The following PINX1 variants were observed in gnomAD, a reference collection of about 807,000 sequenced individuals.
PINX1 encodes PIN2 (TERF1) interacting telomerase inhibitor 1.
A neutral mutation model predicts 25.4 loss-of-function variants in PINX1; 34 were observed. That is an observed-to-expected ratio of 1.34 (90% CI 1.02 to 1.78). The LOEUF (loss-of-function observed/expected upper bound fraction) is 1.78. Among genes scored for constraint, PINX1 ranks in the 40% most tolerant of loss-of-function variants. The probability of loss-of-function intolerance (pLI) is 0.00; values close to 1 mark genes in which losing one functional copy is unlikely to be tolerated. For synonymous variants in PINX1, 197 were observed against 147.7 expected (o/e 1.33, Z -2.42); for missense variants, 592 against 404.9 (o/e 1.46, Z -3.97).
At chr8:10,838,128 G>A (rs961179289) in intron 1 of PINX1, among the ~76,000 whole-genome samples, 5 of 152,174 alleles carry the variant, frequency 3.3e-5, no homozygotes, top group Non-Finnish European at 7.3e-5. Flanking sequence ...TAGCAGGTTG[G>A]AGTTCTTAGA....
At chr8:10,809,092 T>C (rs1452374098) in intron 6 of PINX1, among the ~76,000 whole-genome samples, 3 of 152,228 alleles carry the variant, frequency 2.0e-5, no homozygotes, top group Admixed American at 6.5e-5. Context: ...TTGTGAGGTA[T>C]GATGGTTTAT....
Position 10,818,563 on chromosome 8 carries a change from G to C in PINX1, c.471+1630C>G, listed in dbSNP as rs992537791. 2.0e-5 allele frequency among the ~76,000 whole-genome samples: 3 copies of C among 152,188 alleles called. No homozygotes were observed. The East Asian group carries it at 5.8e-4, about 29-fold the overall frequency. On this transcript the variant is annotated intron_variant, in intron 6 of 6. Coordinates refer to ENST00000314787, the MANE Select transcript of PINX1 (RefSeq NM_017884.6). ...CTGTTCAACTGTACATTTTCATAGA[G>C]GGTGTCCGGGAGGGCAAAGGCTGGG...
chr8:10,837,161 C>T (rs10099929), intron 1 of PINX1, among the ~76,000 whole-genome samples: 46,388 of 152,032 alleles, frequency 0.31, 7,764 homozygotes, highest in African/African-American at 0.45. Context: ...ATGCTGAGCA[C>T]CTGCTTTCCT....
chr8:10,779,502 C>G (rs893201161), intron 6 of PINX1, among the ~76,000 whole-genome samples: 1 of 152,074 alleles, frequency 6.6e-6, no homozygotes, highest in African/African-American at 2.4e-5. Context: ...TACATAAAGA[C>G]AAAAAGAACT....
At chr8:10,819,715 C>T (rs1034018727) in intron 6 of PINX1, among the ~76,000 whole-genome samples, 2 of 152,190 alleles carry the variant, frequency 1.3e-5, no homozygotes, top group East Asian at 1.9e-4. Context: ...ACCCATCAAA[C>T]CCCCTTATAG....
chr8:10,767,806 CAG>C (rs1801105022), intron 6 of PINX1, among the ~76,000 whole-genome samples: 2 of 74,942 alleles, frequency 2.7e-5, no homozygotes, highest in South Asian at 5.3e-4. Context: ...CACAGCCACA[CAG>C]AGACAGGCTC....
intron 5 of PINX1, chr8:10,825,303 T>C: frequency 1.9e-6 from 1 of 533,902 alleles, no homozygotes; most frequent in Non-Finnish European, 3.9e-6. Context: ...AGAGATGTGC[T>C]GTTCCTGGCA....
intron 6 of PINX1, among the ~76,000 whole-genome samples, chr8:10,811,837 C>T (rs1797531917): frequency 6.6e-6 from 1 of 152,166 alleles, no homozygotes; most frequent in South Asian, 2.1e-4. Context: ...ACCTGGAACC[C>T]TACTGCTAGA....
At chr8:10,810,891 G>A (rs1249261432) in intron 6 of PINX1, among the ~76,000 whole-genome samples, 1 of 152,182 alleles carries the variant, frequency 6.6e-6, no homozygotes, top group Non-Finnish European at 1.5e-5. Flanking sequence ...TGAGAAGGAC[G>A]TGCTTCTCAG....
chr8:10,788,180 T>C (rs986840560), intron 6 of PINX1, among the ~76,000 whole-genome samples: 1 of 152,204 alleles, frequency 6.6e-6, no homozygotes, highest in Non-Finnish European at 1.5e-5. Context: ...TGATCATTGT[T>C]AAGCTGGGTA....
At chr8:10,826,340 C>G (rs1444220782) in intron 4 of PINX1, 96 bp from the exon 5 acceptor site, 5 of 624,122 alleles carry the variant, frequency 8.0e-6, no homozygotes, top group Non-Finnish European at 1.4e-5. Flanking sequence ...ATTTTAGGAG[C>G]CCTATCATTA....
intron 6 of PINX1, among the ~76,000 whole-genome samples, chr8:10,808,354 G>C (rs1293111891): frequency 6.6e-6 from 1 of 152,208 alleles, no homozygotes; most frequent in East Asian, 1.9e-4. Flanking sequence ...GAGGAGGCTT[G>C]TGAGGTGGAG....
intron 6 of PINX1, among the ~76,000 whole-genome samples, chr8:10,795,088 C>T (rs892995928): frequency 6.6e-6 from 1 of 152,132 alleles, no homozygotes; most frequent in Non-Finnish European, 1.5e-5. Context: ...AAGACAAAAT[C>T]CAAAAGCTTC....
intron 6 of PINX1, among the ~76,000 whole-genome samples, chr8:10,771,618 G>A (rs1479489621): frequency 6.6e-6 from 1 of 152,132 alleles, no homozygotes; most frequent in African/African-American, 2.4e-5. Context: ...CTCAACAAAG[G>A]CACAAAGACA....
intron 6 of PINX1, among the ~76,000 whole-genome samples, chr8:10,797,952 T>C (rs1344618445): frequency 7.9e-5 from 12 of 152,202 alleles, no homozygotes. Context: ...AATGATGAGC[T>C]AAACAGTCCT....
At chr8:10,817,691 C>A (rs890764934) in intron 6 of PINX1, among the ~76,000 whole-genome samples, 1 of 152,166 alleles carries the variant, frequency 6.6e-6, no homozygotes, top group Non-Finnish European at 1.5e-5. Flanking sequence ...CACCTGGGGG[C>A]TCCTCGGATG....
At chr8:10,774,102 T>C (rs769917873) in intron 6 of PINX1, among the ~76,000 whole-genome samples, 1 of 152,216 alleles carries the variant, frequency 6.6e-6, no homozygotes, top group African/African-American at 2.4e-5. Flanking sequence ...CACTGGCCTC[T>C]CACAGAACAG....
intron 6 of PINX1, among the ~76,000 whole-genome samples, chr8:10,800,437 G>A (rs749432680): frequency 5.3e-5 from 8 of 151,862 alleles, no homozygotes; most frequent in Non-Finnish European, 1.2e-4. Context: ...ACAATAGAAT[G>A]GAGTTTATTT....
intron 6 of PINX1, among the ~76,000 whole-genome samples, chr8:10,791,685 C>T (rs11779090): frequency 6.6e-6 from 1 of 152,064 alleles, no homozygotes; most frequent in Non-Finnish European, 1.5e-5. Flanking sequence ...TTTGTGGCGG[C>T]TGCTGATGTG....
Sources: allele counts gnomAD v4.1 joint callset (sites outside exome capture counted in the v4.1 genomes callset), GRCh38; gene constraint gnomAD v4.1.1; transcripts MANE v1.5; gene names NCBI Gene and HGNC (gene_info 2026-07-23, HGNC 2026-07-21).